Variants in WNK1 observed in about 807,000 individuals in gnomAD.
WNK1 encodes serine/threonine-protein kinase WNK1.
In WNK1, 38 loss-of-function variants were observed where a neutral mutation model predicts 222.8. The observed-to-expected ratio is 0.17, with a 90% CI of 0.13 to 0.22. WNK1 has a LOEUF of 0.22. WNK1 is among the 10% of genes least tolerant of loss of function. The pLI is 1.00. For synonymous variants in WNK1, 1,090 were observed against 1,092.9 expected (o/e 1.00, Z 0.05); for missense variants, 2,348 against 2,918.4 (o/e 0.80, Z 4.50).
At chr12:871,195 G>A in intron 8 of WNK1, 70 bp from the exon 9 acceptor site, 1 of 1,408,870 alleles carries the variant, frequency 7.1e-7, no homozygotes, top group South Asian at 1.2e-5. Context: ...AATATTCATT[G>A]CAAAAGCCTG....
intron 8 of WNK1, chr12:868,286 G>A: frequency 6.2e-7 from 1 of 1,605,854 alleles, no homozygotes; most frequent in African/African-American, 1.3e-5. Context: ...GTATGTAGCT[G>A]GGGTACATTA....
At position 837,583 on chromosome 12, in the gene WNK1, A is replaced by AT. The variant is rs1476610799; in HGVS notation, c.1311+7423_1311+7424insT. 2.9e-5 allele frequency among the ~76,000 whole-genome samples: 4 copies of AT among 138,068 alleles called. No individual in the cohort carries two copies. The East Asian group carries it at 1.1e-3, about 38-fold the overall frequency. 90.6% of individuals were successfully genotyped at this position (138,068 alleles called of 152,430 possible). A position where few individuals can be genotyped will look rare whatever the true frequency, so the allele number is the denominator to read the frequency against. On this transcript the variant is annotated intron_variant, in intron 4 of 27. Transcript: ENST00000315939. ...AGTGAGACCCTGTCTAAAAAAAAAA[A>AT]AAAAAAAAAGAAAAGAAAAGAAAAA...
At chr12:838,132 G>A (rs1949346119) in intron 4 of WNK1, among the ~76,000 whole-genome samples, 1 of 150,732 alleles carries the variant, frequency 6.6e-6, no homozygotes, top group African/African-American at 2.5e-5. Flanking sequence ...CAATTGTTTA[G>A]CCATTTATCG....
At chr12:873,511 G>A (rs933373469) in intron 9 of WNK1, among the ~76,000 whole-genome samples, 1 of 152,114 alleles carries the variant, frequency 6.6e-6, no homozygotes, top group African/African-American at 2.4e-5. Context: ...TATATAGGAA[G>A]TGTATTCGGT....
chr12:756,734 T>G (rs564137425), intron 1 of WNK1, among the ~76,000 whole-genome samples: 1 of 152,224 alleles, frequency 6.6e-6, no homozygotes, highest in Non-Finnish European at 1.5e-5. Context: ...CTTTTATCTT[T>G]GGAGCCAAAT....
Position 756,338 on chromosome 12 carries a change from GA to G in WNK1, c.759+2021del, listed in dbSNP as rs564864687. 3.9e-5 allele frequency among the ~76,000 whole-genome samples: 6 copies of G among 152,226 alleles called. 1 individual carries two copies. In the South Asian group the frequency reaches 1.2e-3, roughly 32 times the overall value. On this transcript the variant is annotated intron_variant, in intron 1 of 27. Coordinates refer to ENST00000315939, the MANE Select transcript of WNK1 (RefSeq NM_018979.4). ...ATTATCTTGGAACTGATAATACAGT[GA>G]AAAAAACTTAATTTGTCTAATGTCA...
At chr12:760,061 T>C (rs1277619657) in intron 1 of WNK1, among the ~76,000 whole-genome samples, 1 of 148,024 alleles carries the variant, frequency 6.8e-6, no homozygotes, top group Non-Finnish European at 1.5e-5. Context: ...CAGGTATTGA[T>C]CTTTATGTTA....
intron 20 of WNK1, among the ~76,000 whole-genome samples, chr12:888,844 A>G (rs1031897272): frequency 1.3e-5 from 2 of 152,218 alleles, no homozygotes; most frequent in Non-Finnish European, 2.9e-5. Flanking sequence ...CGCACAAATA[A>G]ATAACTCTTT....
At chr12:785,407 C>G (rs1219189696) in intron 1 of WNK1, among the ~76,000 whole-genome samples, 1 of 107,018 alleles carries the variant, frequency 9.3e-6, no homozygotes, top group Non-Finnish European at 2.2e-5. Context: ...CTCCCCCCCC[C>G]CCACCCCCTC....
intron 1 of WNK1, among the ~76,000 whole-genome samples, chr12:791,945 C>G (rs1437261526): frequency 6.6e-6 from 1 of 152,180 alleles, no homozygotes; most frequent in Non-Finnish European, 1.5e-5. Context: ...TTATTCTACC[C>G]AGGTCCTATC....
chr12:886,710 A>AT (rs1003605675), intron 19 of WNK1, among the ~76,000 whole-genome samples: 1 of 152,186 alleles, frequency 6.6e-6, no homozygotes, highest in Non-Finnish European at 1.5e-5. Flanking sequence ...ATTGCCATTG[A>AT]TGTGAGGTTC....
chr12:879,450 T>G (rs1171150509), intron 10 of WNK1, 123 bp from the exon 11 acceptor site: 8 of 717,184 alleles, frequency 1.1e-5, no homozygotes, highest in African/African-American at 6.0e-5. Flanking sequence ...TTTGGTGTTT[T>G]TTTTTTTGTT....
chr12:789,864 C>T (rs1465020570), intron 1 of WNK1, among the ~76,000 whole-genome samples: 1 of 152,200 alleles, frequency 6.6e-6, no homozygotes, highest in African/African-American at 2.4e-5. Context: ...CCATCACATG[C>T]ATCCTGGATA....
intron 14 of WNK1, among the ~76,000 whole-genome samples, 186 bp from the exon 15 acceptor site, chr12:882,757 C>G (rs1953287482): frequency 6.6e-6 from 1 of 152,192 alleles, no homozygotes. Flanking sequence ...AGCTCAAAGG[C>G]TAACGTCTTC....
At chr12:855,939 A>G (rs1211211132) in intron 4 of WNK1, among the ~76,000 whole-genome samples, 1 of 151,908 alleles carries the variant, frequency 6.6e-6, no homozygotes, top group Non-Finnish European at 1.5e-5. Context: ...TCCCGGGTTC[A>G]AGAGATTCTC....
At chr12:764,752 AG>A (rs1941471943) in intron 1 of WNK1, among the ~76,000 whole-genome samples, 1 of 147,082 alleles carries the variant, frequency 6.8e-6, no homozygotes, top group South Asian at 2.3e-4. Context: ...TGCCTCAGTA[AG>A]GGGGAGGTTG....
chr12:837,572 T>TAAA (rs530005542), intron 4 of WNK1, among the ~76,000 whole-genome samples: 1 of 123,656 alleles, frequency 8.1e-6, no homozygotes, highest in Non-Finnish European at 1.7e-5. Flanking sequence ...AGACCCTGTC[T>TAAA]AAAAAAAAAA....
chr12:872,114 C>CATTT (rs1245365586), intron 9 of WNK1, among the ~76,000 whole-genome samples: 9 of 152,018 alleles, frequency 5.9e-5, no homozygotes, highest in Middle Eastern at 3.4e-3. Flanking sequence ...ACTTCAAGAA[C>CATTT]ATTTATTTAT....
intron 6 of WNK1, among the ~76,000 whole-genome samples, 154 bp from the exon 7 acceptor site, chr12:860,859 A>G (rs1951157644): frequency 7.2e-6 from 1 of 138,602 alleles, no homozygotes; most frequent in African/African-American, 2.7e-5. Flanking sequence ...TGCAGATTTT[A>G]CAGTTCGGTT....
Sources: gnomAD v4.1 joint callset for allele counts (sites outside exome capture counted in the v4.1 genomes callset) on GRCh38, gnomAD v4.1.1 for gene constraint, MANE v1.5 for transcripts, NCBI Gene and HGNC (gene_info 2026-07-23, HGNC 2026-07-21) for gene names.